The following SMYD3 variants were observed in gnomAD, a reference collection of about 807,000 sequenced individuals.
SMYD3 encodes SET and MYND domain containing 3, also known as histone-lysine N-methyltransferase SMYD3.
SMYD3 carries 36 observed loss-of-function variants against 57.7 expected under a neutral mutation model. The observed-to-expected ratio is 0.62, with a 90% CI of 0.48 to 0.82. The LOEUF (loss-of-function observed/expected upper bound fraction) is 0.82. Ranked by LOEUF, SMYD3 falls within the 40% of genes least tolerant of loss-of-function variation. The probability of loss-of-function intolerance (pLI) is 0.00; values close to 1 mark genes in which losing one functional copy is unlikely to be tolerated. For synonymous variants in SMYD3, 211 were observed against 195.0 expected (o/e 1.08, Z -0.68); for missense variants, 515 against 538.8 (o/e 0.96, Z 0.44).
At chr1:246,237,019 A>G (rs781717375) in intron 5 of SMYD3, among the ~76,000 whole-genome samples, 26 of 152,174 alleles carry the variant, frequency 1.7e-4, no homozygotes, top group Non-Finnish European at 3.7e-4. Context: ...CTTGATGAAG[A>G]AAACCATTAA....
At position 246,395,663 on chromosome 1, in the gene SMYD3, ACC is replaced by A. The variant is rs1206439238; in HGVS notation, c.165-40571_165-40570del. Among the ~76,000 whole-genome samples, 167 of 83,798 alleles carry A rather than the reference ACC, an allele frequency of 2.0e-3. 1 individual carries two copies. The highest frequency in any genetic ancestry group is 5.1e-3 in the Middle Eastern group (1 of 196). 55.0% of individuals were successfully genotyped at this position (83,798 alleles called of 152,430 possible). On this transcript the variant is annotated intron_variant, in intron 1 of 11. Transcript: ENST00000490107. ...CACCACAGTCAGACAGGGAAGACGA[ACC>A]CACCACAGTCAGACAGGGAAGACGA...
At chr1:246,168,245 T>C (rs1188440662) in intron 5 of SMYD3, among the ~76,000 whole-genome samples, 1 of 152,116 alleles carries the variant, frequency 6.6e-6, no homozygotes, top group African/African-American at 2.4e-5. Flanking sequence ...CCAATAAAAG[T>C]ATGCACAGGT....
chr1:245,801,724 TA>T (rs35820552), intron 10 of SMYD3, among the ~76,000 whole-genome samples: 84,422 of 145,308 alleles, frequency 0.58, 26,008 homozygotes, highest in Non-Finnish European at 0.69. Context: ...CAGGATTTGT[TA>T]AAAAAAAAAA....
At chr1:246,128,775 G>A (rs549795629) in intron 5 of SMYD3, among the ~76,000 whole-genome samples, 8 of 151,922 alleles carry the variant, frequency 5.3e-5, no homozygotes, top group African/African-American at 1.7e-4. Flanking sequence ...TCCATTGTGC[G>A]TGTGTGTGTG....
rs144167373 is a variant in SMYD3, at chr1:246,270,074, C to G, written c.531+57127G>C. The stretch of plus-strand genomic sequence containing the variant: ...GTTGAATAAATTAATAACATTACGA[C>G]AAACAAGGATTAACTTCAGACCCTA... On this transcript the variant is annotated intron_variant, in intron 5 of 11. Coordinates refer to ENST00000490107, the MANE Select transcript of SMYD3 (RefSeq NM_001167740.2). Among the ~76,000 whole-genome samples the G allele has an allele frequency of 3.4e-4, 52 of 152,258 alleles. No individual in the cohort carries two copies. In the East Asian group the frequency reaches 7.7e-3, roughly 23 times the overall value.
At chr1:246,306,216 G>T (rs1305671338) in intron 5 of SMYD3, among the ~76,000 whole-genome samples, 1 of 152,170 alleles carries the variant, frequency 6.6e-6, no homozygotes, top group Non-Finnish European at 1.5e-5. Context: ...GCGCCTGCCT[G>T]TAGTCCCATA....
chr1:246,273,237 C>T (rs2064263081), intron 5 of SMYD3, among the ~76,000 whole-genome samples: 1 of 150,190 alleles, frequency 6.7e-6, no homozygotes, highest in Non-Finnish European at 1.5e-5. Context: ...ACAGCCTCCG[C>T]CTCCCGGGTT....
chr1:246,243,219 G>A (rs557831184), intron 5 of SMYD3, among the ~76,000 whole-genome samples: 22 of 151,942 alleles, frequency 1.4e-4, no homozygotes, highest in Admixed American at 3.3e-4. Context: ...GTACTGTTCC[G>A]TGATCTTCTA....
chr1:246,374,175 A>G (rs974424304), intron 1 of SMYD3, among the ~76,000 whole-genome samples: 4 of 152,198 alleles, frequency 2.6e-5, no homozygotes, highest in Admixed American at 2.6e-4. Flanking sequence ...TGTATCCCTC[A>G]TGGGCACTGG....
intron 10 of SMYD3, among the ~76,000 whole-genome samples, chr1:245,786,095 A>T (rs1391057728): frequency 1.5e-5 from 2 of 135,328 alleles, no homozygotes; most frequent in South Asian, 2.5e-4. Flanking sequence ...TTTTTTTTTA[A>T]AAAGCAATCA....
At chr1:245,916,128 A>T (rs1194335155) in intron 7 of SMYD3, among the ~76,000 whole-genome samples, 2 of 152,164 alleles carry the variant, frequency 1.3e-5, no homozygotes, top group African/African-American at 2.4e-5. Context: ...TGAAATGAGA[A>T]AACAGTTCTC....
In SMYD3 at chr1:246,147,461, T is replaced by C. The variant is rs557350960; in HGVS notation, c.531+179740A>G. 3.3e-5 allele frequency among the ~76,000 whole-genome samples: 5 copies of C among 152,036 alleles called. No homozygotes were observed. In the South Asian group the frequency reaches 1.0e-3, roughly 32 times the overall value. On this transcript the variant is annotated intron_variant, in intron 5 of 11. Transcript: ENST00000490107. Reference sequence around the variant, plus strand: ...TGCTCGGTGGTTGTAATTCCATCTATTGATGGCAGCTGCTGCTGCAACAGG... The same window carrying C: ...TGCTCGGTGGTTGTAATTCCATCTACTGATGGCAGCTGCTGCTGCAACAGG...
At position 246,171,577 on chromosome 1, in the gene SMYD3, G is replaced by C. The variant is rs181816156; in HGVS notation, c.531+155624C>G. Among the ~76,000 whole-genome samples, 11 of 152,210 alleles carry C rather than the reference G, an allele frequency of 7.2e-5. No individual in the cohort carries two copies. The East Asian group carries it at 2.1e-3, about 29-fold the overall frequency. On this transcript the variant is annotated intron_variant, in intron 5 of 11. Transcript: ENST00000490107. ...AGATGAGACAGTCTACTACACACCTGGGCTACATGATATTGCCTATTGCTC... is the reference window on the plus strand; with the variant it reads ...AGATGAGACAGTCTACTACACACCTCGGCTACATGATATTGCCTATTGCTC...
chr1:246,083,137 G>A (rs1165311550), intron 5 of SMYD3, among the ~76,000 whole-genome samples: 1 of 150,628 alleles, frequency 6.6e-6, no homozygotes, highest in Non-Finnish European at 1.5e-5. Flanking sequence ...TAGTAAAAGA[G>A]GAAGGAATGC....
chr1:245,764,497 A>C (rs541189911), intron 10 of SMYD3, among the ~76,000 whole-genome samples: 16 of 152,288 alleles, frequency 1.1e-4, no homozygotes, highest in East Asian at 1.9e-4. Context: ...AAGCTCTTCC[A>C]TGAAGCATCA....
chr1:246,494,124 G>A (rs1213835747), intron 1 of SMYD3, among the ~76,000 whole-genome samples: 3 of 152,134 alleles, frequency 2.0e-5, no homozygotes, highest in African/African-American at 4.8e-5. Flanking sequence ...TCATACTGCA[G>A]CCCAAAAATC....
At chr1:246,022,509 C>T (rs2059489748) in intron 5 of SMYD3, among the ~76,000 whole-genome samples, 1 of 152,148 alleles carries the variant, frequency 6.6e-6, no homozygotes, top group African/African-American at 2.4e-5. Context: ...ATCTTGGTTT[C>T]CTCGTCTGTA....
chr1:246,009,999 G>T (rs867968851), intron 5 of SMYD3, among the ~76,000 whole-genome samples: 1 of 134,900 alleles, frequency 7.4e-6, no homozygotes, highest in Non-Finnish European at 1.6e-5. Flanking sequence ...GCTGAGGCAG[G>T]AGAATCGCTT....
intron 2 of SMYD3, among the ~76,000 whole-genome samples, chr1:246,343,751 T>A (rs919218104): frequency 6.6e-6 from 1 of 152,204 alleles, no homozygotes; most frequent in Non-Finnish European, 1.5e-5. Flanking sequence ...TCCAGATTAT[T>A]GCTATAGCCT....
Sources: gnomAD v4.1 joint callset for allele counts (sites outside exome capture counted in the v4.1 genomes callset) on GRCh38, gnomAD v4.1.1 for gene constraint, MANE v1.5 for transcripts, NCBI Gene and HGNC (gene_info 2026-07-23, HGNC 2026-07-21) for gene names.